Variants in TRPC6 observed in about 807,000 individuals in gnomAD.
TRPC6 encodes the protein transient receptor potential cation channel subfamily C member 6, also known as short transient receptor potential channel 6.
In TRPC6, 55 loss-of-function variants were observed where a neutral mutation model predicts 90.7. The observed-to-expected ratio is 0.61, with a 90% CI of 0.49 to 0.76. TRPC6 has a LOEUF of 0.76. Among genes scored for constraint, TRPC6 ranks in the 30% least tolerant of loss-of-function variants. TRPC6 has a pLI of 0.00. For synonymous variants in TRPC6, 393 were observed against 393.0 expected (o/e 1.00, Z 0.00); for missense variants, 989 against 1,122.7 (o/e 0.88, Z 1.70).
chr11:101,487,015 G>A (rs558286413), intron 4 of TRPC6, among the ~76,000 whole-genome samples: 1 of 152,096 alleles, frequency 6.6e-6, no homozygotes, highest in African/African-American at 2.4e-5. Flanking sequence ...ATGGAAAACA[G>A]ATGCCAGAAA....
rs141808905 is a variant in TRPC6, at chr11:101,482,677, T to G, written c.1510+272A>C. 5.1e-3 allele frequency among the ~76,000 whole-genome samples: 773 copies of G among 152,328 alleles called. 2 individuals are homozygous for G. The highest frequency in any genetic ancestry group is 0.018 in the African/African-American group (736 of 41,572). ...AAAATATGAATAGTATAATAGCTTT[T>G]TGTCACTGGTGGGATGTGATTGATA... On this transcript the variant is annotated intron_variant, in intron 5 of 12. Transcript: ENST00000344327.
chr11:101,575,508 T>G (rs1862051889), intron 1 of TRPC6, among the ~76,000 whole-genome samples: 1 of 152,148 alleles, frequency 6.6e-6, no homozygotes, highest in South Asian at 2.1e-4. Flanking sequence ...AAAGTGAGGA[T>G]TATAAAAATG....
At chr11:101,506,105 CGT>C (rs1022855147) in intron 1 of TRPC6, among the ~76,000 whole-genome samples, 1 of 151,646 alleles carries the variant, frequency 6.6e-6, no homozygotes, top group African/African-American at 2.4e-5. Context: ...TTCATAACTT[CGT>C]GTCTTAAGGT....
intron 1 of TRPC6, among the ~76,000 whole-genome samples, chr11:101,548,474 A>ATCTC (rs1266907141): frequency 0.013 from 891 of 67,270 alleles, 41 homozygotes; most frequent in Admixed American, 0.13. Flanking sequence ...ATATATATAT[A>ATCTC]TATCTCTCTC....
chr11:101,461,303 G>T (rs1858999098), intron 10 of TRPC6, among the ~76,000 whole-genome samples: 1 of 152,216 alleles, frequency 6.6e-6, no homozygotes, highest in South Asian at 2.1e-4. Context: ...GGTGGCTGAT[G>T]CCTGTAATCC....
chr11:101,488,655 G>C (rs1419333271), intron 4 of TRPC6, among the ~76,000 whole-genome samples: 6 of 152,104 alleles, frequency 3.9e-5, no homozygotes. Context: ...AATTAATATA[G>C]TTACTGAGTA....
chr11:101,534,365 A>G (rs894214559), intron 1 of TRPC6, among the ~76,000 whole-genome samples: 4 of 152,080 alleles, frequency 2.6e-5, no homozygotes, highest in Non-Finnish European at 5.9e-5. Flanking sequence ...CGAACTCCTG[A>G]CCTCAGATGA....
At chr11:101,470,802 GCCCC>G (rs1165141423) in intron 9 of TRPC6, among the ~76,000 whole-genome samples, 1 of 48,718 alleles carries the variant, frequency 2.1e-5, no homozygotes, top group Non-Finnish European at 3.6e-5. Context: ...TAATCAAGTT[GCCCC>G]GCCCCCCCCC....
chr11:101,498,109 T>C (rs1361713293), intron 2 of TRPC6, among the ~76,000 whole-genome samples: 1 of 152,202 alleles, frequency 6.6e-6, no homozygotes, highest in African/African-American at 2.4e-5. Context: ...TTGTCCCTTA[T>C]TTGAATTAAA....
intron 10 of TRPC6, among the ~76,000 whole-genome samples, chr11:101,469,126 C>G (rs773252477): frequency 2.6e-5 from 4 of 152,176 alleles, no homozygotes; most frequent in African/African-American, 9.7e-5. Context: ...TTAATCATAC[C>G]CTCCATCAGG....
At chr11:101,547,938 C>A (rs1238769195) in intron 1 of TRPC6, among the ~76,000 whole-genome samples, 1 of 152,098 alleles carries the variant, frequency 6.6e-6, no homozygotes, top group African/African-American at 2.4e-5. Context: ...CAAAATGTAA[C>A]TGTTATGTCA....
chr11:101,484,595 A>ATGTG (rs61160203), intron 4 of TRPC6, among the ~76,000 whole-genome samples: 31,959 of 140,424 alleles, frequency 0.23, 4,046 homozygotes, highest in East Asian at 0.42. Flanking sequence ...CTCTCATGCT[A>ATGTG]TGTGTGTGTG....
chr11:101,504,420 ATGAC>A lies in TRPC6; in HGVS notation c.545_548del (p.Ser182IlefsTer10). ...ACCTCTTGCCTTCAGCAAAAGCCGG[ATGAC>A]TGAGAATTGCTTCCACAATCCGAAC... On this transcript the variant is annotated frameshift_variant, in exon 2 of 13. Transcript: ENST00000344327. LOFTEE classifies it high-confidence loss of function. The A allele has an allele frequency of 6.2e-7, 1 of 1,614,122 alleles. No individual in the cohort carries two copies. Among genetic ancestry groups the A allele is most frequent in the Non-Finnish European group, 8.5e-7 (1 of 1,180,000 alleles).
intron 1 of TRPC6, among the ~76,000 whole-genome samples, chr11:101,570,385 C>T (rs1861934458): frequency 6.6e-6 from 1 of 152,100 alleles, no homozygotes; most frequent in Non-Finnish European, 1.5e-5. Context: ...CAATTATTAG[C>T]CTACCAACCA....
intron 1 of TRPC6, among the ~76,000 whole-genome samples, chr11:101,559,236 C>CTT (rs200562572): frequency 0.029 from 4,456 of 152,116 alleles, 216 homozygotes; most frequent in African/African-American, 0.088. Flanking sequence ...ATCCAAATGG[C>CTT]CAGAGATATT....
chr11:101,516,389 TC>T (rs1281001413), intron 1 of TRPC6, among the ~76,000 whole-genome samples: 2 of 152,240 alleles, frequency 1.3e-5, no homozygotes, highest in African/African-American at 4.8e-5. Flanking sequence ...TTCCTACCCA[TC>T]CCCACTTAAG....
intron 10 of TRPC6, among the ~76,000 whole-genome samples, chr11:101,461,063 T>C (rs1409466074): frequency 6.6e-6 from 1 of 152,188 alleles, no homozygotes; most frequent in East Asian, 1.9e-4. Context: ...GACTTAATTA[T>C]ATAGTGCTTG....
intron 1 of TRPC6, among the ~76,000 whole-genome samples, chr11:101,536,736 C>G (rs1029479376): frequency 2.0e-5 from 3 of 152,142 alleles, no homozygotes; most frequent in Admixed American, 2.0e-4. Flanking sequence ...TAGTCAGGGG[C>G]GAGAGCATTC....
intron 1 of TRPC6, among the ~76,000 whole-genome samples, chr11:101,536,381 G>A (rs1396215118): frequency 1.3e-5 from 2 of 150,652 alleles, no homozygotes; most frequent in Admixed American, 6.7e-5. Context: ...AGCAAGACTC[G>A]ATCCCCCAGC....
Sources: gnomAD v4.1 joint callset for allele counts (sites outside exome capture counted in the v4.1 genomes callset) on GRCh38, gnomAD v4.1.1 for gene constraint, MANE v1.5 for transcripts, NCBI Gene and HGNC (gene_info 2026-07-23, HGNC 2026-07-21) for gene names.